The following PTPRD variants were observed in gnomAD, a reference collection of about 807,000 sequenced individuals.
PTPRD encodes the protein receptor-type tyrosine-protein phosphatase delta.
PTPRD carries 34 observed loss-of-function variants against 214.5 expected under a neutral mutation model. The observed-to-expected ratio is 0.16, with a 90% CI of 0.12 to 0.21. PTPRD has a LOEUF of 0.21. PTPRD is among the 10% of genes least tolerant of loss of function. The pLI, the probability that PTPRD is intolerant of heterozygous loss-of-function variation, is 1.00. For synonymous variants in PTPRD, 1,128 were observed against 845.7 expected (o/e 1.33, Z -5.79); for missense variants, 2,545 against 2,398.7 (o/e 1.06, Z -1.27).
At chr9:8,524,634 C>A in intron 18 of PTPRD, 1 of 448,740 alleles carries the variant, frequency 2.2e-6, no homozygotes, top group Non-Finnish European at 4.0e-6. Context: ...AAACCTCAAA[C>A]AAATGCAAAG....
At chr9:9,345,829 T>C (rs1236505398) in intron 9 of PTPRD, among the ~76,000 whole-genome samples, 2 of 152,132 alleles carry the variant, frequency 1.3e-5, no homozygotes, top group Non-Finnish European at 2.9e-5. Context: ...AAACATTAGG[T>C]TATTGTGATG....
chr9:9,830,404 G>A (rs1043233733), intron 5 of PTPRD, among the ~76,000 whole-genome samples: 1 of 151,638 alleles, frequency 6.6e-6, no homozygotes, highest in African/African-American at 2.4e-5. Context: ...TGTTAAATGG[G>A]GTGAAGGGAA....
rs149473748 is a variant in PTPRD, at chr9:10,227,864, C to T, written c.-545+113099G>A. 1.7e-3 allele frequency among the ~76,000 whole-genome samples: 252 copies of T among 151,838 alleles called. 2 individuals carry two copies. The highest frequency in any genetic ancestry group is 6.8e-3 in the Middle Eastern group (2 of 294). On this transcript the variant is annotated intron_variant, in intron 3 of 45. Coordinates refer to ENST00000381196, the MANE Select transcript of PTPRD (RefSeq NM_002839.4). ...GGCCAGAGTTATTATTTGCTTTGTCCGGCCCTACTTGGCTGAGGACTCGCA... is the reference window on the plus strand; with the variant it reads ...GGCCAGAGTTATTATTTGCTTTGTCTGGCCCTACTTGGCTGAGGACTCGCA...
intron 2 of PTPRD, among the ~76,000 whole-genome samples, chr9:10,523,623 A>ATATATAT (rs57535661): frequency 1.7e-5 from 2 of 115,596 alleles, no homozygotes; most frequent in Non-Finnish European, 1.9e-5. Flanking sequence ...ATATATATAT[A>ATATATAT]GACAGAAAGA....
intron 9 of PTPRD, among the ~76,000 whole-genome samples, chr9:9,341,418 C>T (rs2046767572): frequency 6.6e-6 from 1 of 152,132 alleles, no homozygotes; most frequent in South Asian, 2.1e-4. Flanking sequence ...CCCATCTCCT[C>T]CTTTGTGAAC....
At chr9:9,732,044 C>G (rs1354638904) in intron 7 of PTPRD, among the ~76,000 whole-genome samples, 3 of 151,986 alleles carry the variant, frequency 2.0e-5, no homozygotes, top group African/African-American at 7.2e-5. Context: ...GGGAATCAAA[C>G]TACAATATTG....
At chr9:10,412,108 G>C (rs1340638772) in intron 2 of PTPRD, among the ~76,000 whole-genome samples, 1 of 151,712 alleles carries the variant, frequency 6.6e-6, no homozygotes, top group Non-Finnish European at 1.5e-5. Flanking sequence ...ATTAGAAACA[G>C]CCTGAGGGAA....
At chr9:9,779,366 A>T (rs898732607) in intron 5 of PTPRD, among the ~76,000 whole-genome samples, 4 of 152,300 alleles carry the variant, frequency 2.6e-5, no homozygotes, top group Non-Finnish European at 5.9e-5. Flanking sequence ...CATGGGATAA[A>T]CTAAACAGCT....
chr9:9,321,489 A>C (rs1372451369), intron 9 of PTPRD, among the ~76,000 whole-genome samples: 3 of 150,356 alleles, frequency 2.0e-5, no homozygotes, highest in African/African-American at 7.3e-5. Context: ...TGGGAGGCAA[A>C]AGTTGCTGTG....
chr9:10,428,281 T>C (rs1362230841), intron 2 of PTPRD, among the ~76,000 whole-genome samples: 1 of 152,056 alleles, frequency 6.6e-6, no homozygotes, highest in East Asian at 1.9e-4. Context: ...ATCATGCCAC[T>C]GCACGACAGA....
At chr9:9,071,796 A>G (rs186197727) in intron 10 of PTPRD, among the ~76,000 whole-genome samples, 1 of 152,292 alleles carries the variant, frequency 6.6e-6, no homozygotes, top group African/African-American at 2.4e-5. Flanking sequence ...ACTGGGAGAA[A>G]ACAAGTGTGT....
intron 2 of PTPRD, among the ~76,000 whole-genome samples, chr9:10,360,706 T>C (rs991971171): frequency 6.6e-6 from 1 of 152,208 alleles, no homozygotes; most frequent in African/African-American, 2.4e-5. Context: ...GCACGGTTTT[T>C]AATCTAATGA....
intron 10 of PTPRD, among the ~76,000 whole-genome samples, chr9:9,045,208 G>A (rs1406955256): frequency 6.6e-6 from 1 of 152,144 alleles, no homozygotes. Flanking sequence ...ATTAAAGGAA[G>A]GTGACGTTAT....
intron 10 of PTPRD, among the ~76,000 whole-genome samples, chr9:9,059,057 A>T (rs1327499109): frequency 6.6e-6 from 1 of 152,264 alleles, no homozygotes; most frequent in African/African-American, 2.4e-5. Context: ...AAGGAGAAAG[A>T]CTTGGTGGCT....
chr9:9,317,289 T>G (rs994969371), intron 9 of PTPRD, among the ~76,000 whole-genome samples: 1 of 152,192 alleles, frequency 6.6e-6, no homozygotes, highest in African/African-American at 2.4e-5. Context: ...GTCCACTAGC[T>G]TAAGCTAAAA....
chr9:8,774,949 A>C (rs2095409460), intron 11 of PTPRD, among the ~76,000 whole-genome samples: 1 of 152,188 alleles, frequency 6.6e-6, no homozygotes, highest in Admixed American at 6.5e-5. Context: ...TATAGTGAAT[A>C]TAAAGGAAAA....
chr9:9,882,628 T>C (rs2069151635), intron 5 of PTPRD, among the ~76,000 whole-genome samples: 1 of 152,208 alleles, frequency 6.6e-6, no homozygotes, highest in South Asian at 2.1e-4. Flanking sequence ...AAGCCCACTG[T>C]AAGGTGGATA....
intron 22 of PTPRD, among the ~76,000 whole-genome samples, chr9:8,505,533 G>A (rs1487727222): frequency 1.3e-5 from 2 of 149,328 alleles, no homozygotes; most frequent in African/African-American, 4.9e-5. Flanking sequence ...GAGGCAGGAG[G>A]ATGGCGTGAA....
chr9:8,820,094 T>A (rs2097019402), intron 11 of PTPRD, among the ~76,000 whole-genome samples: 1 of 152,184 alleles, frequency 6.6e-6, no homozygotes, highest in Admixed American at 6.5e-5. Context: ...TAAATCAGAA[T>A]ATGTAACAAT....
Sources: gnomAD v4.1 joint callset for allele counts (sites outside exome capture counted in the v4.1 genomes callset) on GRCh38, gnomAD v4.1.1 for gene constraint, MANE v1.5 for transcripts, NCBI Gene and HGNC (gene_info 2026-07-23, HGNC 2026-07-21) for gene names.